GALNT12: variants seen among roughly 807,000 people sequenced by gnomAD.
GALNT12 encodes the protein UDP-GalNAc:polypeptide N-acetylgalactosaminyltransferase 12.
In GALNT12, 45 loss-of-function variants were observed where a neutral mutation model predicts 55.5. The observed-to-expected ratio is 0.81, with a 90% CI of 0.64 to 1.04. The LOEUF is 1.04. Ranked by LOEUF, GALNT12 falls within the 50% of genes least tolerant of loss-of-function variation. The pLI is 0.00. For missense variants in GALNT12, 709 were observed against 754.8 expected, an observed-to-expected ratio of 0.94 and a Z score of 0.71; for synonymous variants, 304 against 312.2, an observed-to-expected ratio of 0.97 and a Z score of 0.28.
intron 1 of GALNT12, among the ~76,000 whole-genome samples, chr9:98,818,231 T>A (rs35229220): frequency 0.013 from 2,039 of 151,900 alleles, 19 homozygotes; most frequent in South Asian, 0.026. Context: ...ACTTATTATT[T>A]TTTTTTTTTT....
rs968189744 is a variant in GALNT12, at chr9:98,836,896, C to T, written c.1036-76C>T. 7.9e-6 allele frequency: 12 copies of T among 1,520,666 alleles called. No individual in the cohort carries two copies. In the African/African-American group the frequency reaches 1.1e-4, roughly 14 times the overall value. 94.2% of individuals were successfully genotyped at this position (1,520,666 alleles called of 1,614,324 possible). On this transcript the variant is annotated intron_variant, in intron 5 of 9. Coordinates refer to ENST00000375011, the MANE Select transcript of GALNT12 (RefSeq NM_024642.5). ...CCATCATGCCTTGCGTGTGCCTGGC[C>T]TCTTTGCTGCAGATACTATGGACCC...
In GALNT12 at chr9:98,837,623, G is replaced by A. The variant is rs575460369; in HGVS notation, c.1212+475G>A. Among the ~76,000 whole-genome samples the A allele has an allele frequency of 7.2e-4, 109 of 152,262 alleles. 1 individual carries two copies. The highest frequency in any genetic ancestry group is 2.6e-3 in the African/African-American group (109 of 41,556). On this transcript the variant is annotated intron_variant, in intron 6 of 9. Transcript: ENST00000375011. ...TTCATCACAACCTTCTTGCATTTAG[G>A]AACACTAGGTAGCACTTCAGCACTA...
At chr9:98,826,253 A>T (rs1363067307) in intron 2 of GALNT12, among the ~76,000 whole-genome samples, 1 of 152,216 alleles carries the variant, frequency 6.6e-6, no homozygotes, top group Non-Finnish European at 1.5e-5. Context: ...CCTAGGTAGT[A>T]CTTGGCACAG....
At chr9:98,816,389 GAA>G (rs11423472) in intron 1 of GALNT12, among the ~76,000 whole-genome samples, 1 of 130,972 alleles carries the variant, frequency 7.6e-6, no homozygotes, top group African/African-American at 2.8e-5. Context: ...ATTAAAAAAA[GAA>G]AAAAAAAAAA....
rs571269313 is a variant in GALNT12, at chr9:98,812,451, C to T, written c.371+4382C>T. ...ACTAAAAATAGAAAAATTAGCTGGG[C>T]GTGGTGGTGGGTGTCTGTAGTCCCA... On this transcript the variant is annotated intron_variant, in intron 1 of 9. Transcript: ENST00000375011. 7.0e-4 allele frequency among the ~76,000 whole-genome samples: 107 copies of T among 152,136 alleles called. 1 individual carries two copies. The highest frequency in any genetic ancestry group is 2.5e-3 in the African/African-American group (103 of 41,504).
intron 1 of GALNT12, among the ~76,000 whole-genome samples, chr9:98,822,758 C>T (rs139055086): frequency 1.2e-4 from 19 of 152,110 alleles, no homozygotes; most frequent in Admixed American, 3.9e-4. Context: ...GGAGGTGGGC[C>T]GGGTGCTGGA....
At chr9:98,817,117 T>C (rs896957469) in intron 1 of GALNT12, among the ~76,000 whole-genome samples, 1 of 152,020 alleles carries the variant, frequency 6.6e-6, no homozygotes, top group Non-Finnish European at 1.5e-5. Context: ...TGGGCCACTG[T>C]GCCCAGCCCA....
intron 6 of GALNT12, among the ~76,000 whole-genome samples, chr9:98,837,537 A>C (rs1204380339): frequency 6.6e-6 from 1 of 152,184 alleles, no homozygotes; most frequent in African/African-American, 2.4e-5. Flanking sequence ...CATTGCACTC[A>C]TGGCTAACAG....
intron 1 of GALNT12, among the ~76,000 whole-genome samples, chr9:98,817,758 G>A (rs917735567): frequency 6.6e-6 from 1 of 152,108 alleles, no homozygotes; most frequent in African/African-American, 2.4e-5. Flanking sequence ...CACTGCACCC[G>A]GCCCAGAGTG....
At position 98,848,907 on chromosome 9, in the gene GALNT12, G is replaced by A. The variant is rs966010059; in HGVS notation, c.1606-45G>A. 3 of 1,612,800 alleles carry A rather than the reference G, an allele frequency of 1.9e-6. No individual in the cohort carries two copies. In the Admixed American group the frequency reaches 5.0e-5, roughly 27 times the overall value. ...CTTTAAAACATGTCTTTAGGAAAAA[G>A]AGACTTTTCTGATGACTTGCCTGTC... On this transcript the variant is annotated intron_variant, in intron 9 of 9. Transcript: ENST00000375011.
At chr9:98,825,966 C>A (rs1267760692) in intron 2 of GALNT12, among the ~76,000 whole-genome samples, 1 of 150,224 alleles carries the variant, frequency 6.7e-6, no homozygotes, top group Non-Finnish European at 1.5e-5. Flanking sequence ...CAGAGTGAGA[C>A]CCTGTCTCAA....
At chr9:98,811,427 G>A (rs1301862178) in intron 1 of GALNT12, among the ~76,000 whole-genome samples, 2 of 152,234 alleles carry the variant, frequency 1.3e-5, no homozygotes, top group African/African-American at 4.8e-5. Flanking sequence ...GTAGAAGAGA[G>A]AGTGGAGTAA....
At chr9:98,810,398 T>G (rs1305327478) in intron 1 of GALNT12, among the ~76,000 whole-genome samples, 1 of 152,196 alleles carries the variant, frequency 6.6e-6, no homozygotes, top group African/African-American at 2.4e-5. Context: ...TGGGTGGGGA[T>G]GATTATTTCT....
At chr9:98,844,520 G>A (rs573187142) in intron 8 of GALNT12, 14 of 355,910 alleles carry the variant, frequency 3.9e-5, no homozygotes, top group Non-Finnish European at 7.4e-5. Flanking sequence ...ATTCCTAGTG[G>A]CCACTTGATA....
chr9:98,833,525 G>A (rs1018646595), intron 4 of GALNT12, among the ~76,000 whole-genome samples: 1 of 152,170 alleles, frequency 6.6e-6, no homozygotes, highest in Non-Finnish European at 1.5e-5. Flanking sequence ...TGAGGGCCCT[G>A]GGGGGACCGT....
At chr9:98,844,275 T>C in intron 8 of GALNT12, 66 bp downstream of exon 8, 1 of 1,081,456 alleles carries the variant, frequency 9.2e-7, no homozygotes, top group East Asian at 2.5e-5. Context: ...TAGTTGAATT[T>C]TTTTCTTGTA....
chr9:98,822,066 G>A (rs1055734421), intron 1 of GALNT12, among the ~76,000 whole-genome samples: 5 of 152,204 alleles, frequency 3.3e-5, no homozygotes, highest in African/African-American at 1.2e-4. Context: ...GCAGATGTCA[G>A]TTTCCCTCCT....
At chr9:98,815,121 C>T (rs1029220092) in intron 1 of GALNT12, among the ~76,000 whole-genome samples, 19 of 152,100 alleles carry the variant, frequency 1.2e-4, no homozygotes, top group African/African-American at 4.3e-4. Context: ...TTTTATTAGT[C>T]AGGAAAAGGA....
chr9:98,821,279 G>T (rs1835728061), intron 1 of GALNT12, among the ~76,000 whole-genome samples: 1 of 151,882 alleles, frequency 6.6e-6, no homozygotes, highest in Non-Finnish European at 1.5e-5. Context: ...GAAAGTGCTG[G>T]GATTACAGGC....
Sources: gnomAD v4.1 joint callset for allele counts (sites outside exome capture counted in the v4.1 genomes callset) on GRCh38, gnomAD v4.1.1 for gene constraint, MANE v1.5 for transcripts, NCBI Gene and HGNC (gene_info 2026-07-23, HGNC 2026-07-21) for gene names.